The following LPP variants were observed in gnomAD, a reference collection of about 807,000 sequenced individuals.
LPP encodes the protein LIM domain containing preferred translocation partner in lipoma.
A neutral mutation model predicts 60.4 loss-of-function variants in LPP; 38 were observed. That is an observed-to-expected ratio of 0.63 (90% confidence interval 0.49 to 0.83). The LOEUF is 0.83. Ranked by LOEUF, LPP falls within the 40% of genes least tolerant of loss-of-function variation. LPP has a pLI of 0.00. For missense variants in LPP, 902 were observed against 783.6 expected (o/e 1.15, Z -1.80); for synonymous variants, 328 against 290.8 (o/e 1.13, Z -1.30).
intron 7 of LPP, among the ~76,000 whole-genome samples, chr3:188,693,450 G>C (rs1336762439): frequency 1.3e-5 from 2 of 152,136 alleles, no homozygotes; most frequent in Non-Finnish European, 2.9e-5. Flanking sequence ...GTTTAACAGA[G>C]ATGTTTCTCT....
chr3:188,184,446 G>C (rs1055039663), intron 1 of LPP, among the ~76,000 whole-genome samples: 1 of 152,142 alleles, frequency 6.6e-6, no homozygotes, highest in Non-Finnish European at 1.5e-5. Flanking sequence ...GCTGCCTGGG[G>C]AGCTTACACG....
At chr3:188,258,990 C>G (rs1390396725) in intron 2 of LPP, among the ~76,000 whole-genome samples, 1 of 152,056 alleles carries the variant, frequency 6.6e-6, no homozygotes, top group Non-Finnish European at 1.5e-5. Context: ...TTGGGAGCAA[C>G]CAAAAGTCAG....
At chr3:188,322,903 T>C (rs989578870) in intron 2 of LPP, among the ~76,000 whole-genome samples, 1 of 152,200 alleles carries the variant, frequency 6.6e-6, no homozygotes, top group African/African-American at 2.4e-5. Flanking sequence ...ACTAAATGAA[T>C]TGGTTTTCTC....
chr3:188,230,213 G>A (rs1007908035), intron 2 of LPP, among the ~76,000 whole-genome samples: 6 of 152,000 alleles, frequency 3.9e-5, no homozygotes, highest in Non-Finnish European at 8.8e-5. Flanking sequence ...AGCTGCCCGA[G>A]TAGCTGGGAC....
chr3:188,878,006 T>A lies in LPP; in HGVS notation c.*3527T>A. 4.6e-6 allele frequency: 1 copy of A among 216,640 alleles called. No homozygotes were observed. The highest frequency in any genetic ancestry group is 9.3e-6 in the Non-Finnish European group (1 of 107,248). The allele number at this position is 216,640 out of a possible 1,614,324, so 13.4% of individuals were successfully genotyped here. A position where few individuals can be genotyped will look rare whatever the true frequency, so the allele number is the denominator to read the frequency against. On this transcript the variant is annotated 3_prime_UTR_variant, in exon 12 of 12. Coordinates refer to ENST00000617246, the MANE Select transcript of LPP (RefSeq NM_001375462.1). The stretch of plus-strand genomic sequence containing the variant: ...GATGTTTATGGTGAGGTTTAAAGGA[T>A]ATGAAACTCTACATTTAAACAAGTA...
chr3:188,412,946 A>T (rs1785237414), intron 4 of LPP, among the ~76,000 whole-genome samples: 1 of 152,180 alleles, frequency 6.6e-6, no homozygotes, highest in African/African-American at 2.4e-5. Context: ...GAATTGATCC[A>T]GAACCCAGGT....
At chr3:188,431,724 G>A (rs1226599395) in intron 4 of LPP, among the ~76,000 whole-genome samples, 1 of 152,140 alleles carries the variant, frequency 6.6e-6, no homozygotes, top group African/African-American at 2.4e-5. Flanking sequence ...TTCCACAATT[G>A]TAAAACAATG....
At chr3:188,193,926 G>A (rs1728853767) in intron 1 of LPP, among the ~76,000 whole-genome samples, 1 of 152,196 alleles carries the variant, frequency 6.6e-6, no homozygotes, top group African/African-American at 2.4e-5. Flanking sequence ...GTCACATAAA[G>A]GGAACCAGCA....
At chr3:188,773,361 AAT>A (rs10571695) in intron 9 of LPP, among the ~76,000 whole-genome samples, 96,549 of 150,742 alleles carry the variant, frequency 0.64, 31,613 homozygotes, top group South Asian at 0.79. Flanking sequence ...GTCTTCAAAG[AAT>A]ATATATATAT....
intron 2 of LPP, among the ~76,000 whole-genome samples, chr3:188,259,597 G>A (rs765749300): frequency 6.6e-6 from 1 of 152,158 alleles, no homozygotes; most frequent in South Asian, 2.1e-4. Flanking sequence ...TTCTACTACT[G>A]TAAGCTTCTG....
At chr3:188,336,838 T>C (rs1364571516) in intron 2 of LPP, among the ~76,000 whole-genome samples, 3 of 152,122 alleles carry the variant, frequency 2.0e-5, no homozygotes, top group East Asian at 1.9e-4. Context: ...AGCTCAGCTT[T>C]GGGATTTACA....
rs78999762 is a variant in LPP, at chr3:188,604,223, T to C, written c.430-4938T>C. Among the ~76,000 whole-genome samples, 846 of 152,262 alleles carry C rather than the reference T, an allele frequency of 5.6e-3. 4 individuals are homozygous for C. The highest frequency in any genetic ancestry group is 9.7e-3 in the Non-Finnish European group (658 of 67,994). ...TCAATGCCTGTTACATAGTAGACTT[T>C]CAATAAATTTCTATTGAATAAATAA... On this transcript the variant is annotated intron_variant, in intron 6 of 11. Coordinates refer to ENST00000617246, the MANE Select transcript of LPP (RefSeq NM_001375462.1).
intron 9 of LPP, among the ~76,000 whole-genome samples, chr3:188,761,262 T>C (rs1373577824): frequency 6.6e-6 from 1 of 152,224 alleles, no homozygotes; most frequent in Non-Finnish European, 1.5e-5. Flanking sequence ...GGTTCACATT[T>C]ATTGAAGACG....
At chr3:188,374,124 T>G (rs1357622908) in intron 3 of LPP, among the ~76,000 whole-genome samples, 1 of 152,172 alleles carries the variant, frequency 6.6e-6, no homozygotes, top group Non-Finnish European at 1.5e-5. Context: ...TGTAGTATAG[T>G]TTGAAGTCAG....
rs1860450050 is a variant in LPP at position 188,685,259 on chromosome 3, T to A, written c.1114-23008T>A. ...GCCCAGTGAATTAATGAACAAGATA[T>A]CTGACTAGGATCTGAAGACTAGCAG... On this transcript the variant is annotated intron_variant, in intron 7 of 11. Transcript: ENST00000617246. 2.0e-5 allele frequency among the ~76,000 whole-genome samples: 3 copies of A among 152,226 alleles called. No homozygotes were observed. In the South Asian group the frequency reaches 6.2e-4, roughly 32 times the overall value.
chr3:188,847,566 C>A (rs555623524), intron 9 of LPP, among the ~76,000 whole-genome samples: 50 of 152,272 alleles, frequency 3.3e-4, no homozygotes, highest in African/African-American at 1.2e-3. Flanking sequence ...ACTTATAGGT[C>A]AGGAACCTGG....
At chr3:188,368,812 C>T (rs751965481) in intron 3 of LPP, among the ~76,000 whole-genome samples, 20 of 151,552 alleles carry the variant, frequency 1.3e-4, no homozygotes, top group Admixed American at 3.9e-4. Flanking sequence ...TATAGGACCT[C>T]GAATGTCTTC....
chr3:188,610,248 A>G lies in LPP; in HGVS notation c.1113+404A>G, dbSNP rs113094832. Among the ~76,000 whole-genome samples the G allele has an allele frequency of 1.2e-3, 190 of 152,328 alleles. 2 individuals are homozygous for G. The highest frequency in any genetic ancestry group is 4.4e-3 in the African/African-American group (181 of 41,572). Reference sequence around the variant, plus strand: ...CTTGGACATTAAACAGGTCTGTAGTATCTCAAGCCTCAGCAAGGGTAGTGA... The same window carrying G: ...CTTGGACATTAAACAGGTCTGTAGTGTCTCAAGCCTCAGCAAGGGTAGTGA... On this transcript the variant is annotated intron_variant, in intron 7 of 11. Coordinates refer to ENST00000617246, the MANE Select transcript of LPP (RefSeq NM_001375462.1). The surrounding 1 kb of genome is among the most constrained non-coding windows in gnomAD (Gnocchi z 4.4).
intron 9 of LPP, among the ~76,000 whole-genome samples, chr3:188,838,588 G>T (rs190861687): frequency 4.7e-4 from 72 of 152,244 alleles, no homozygotes; most frequent in African/African-American, 1.5e-3. Flanking sequence ...AAAAGTTGAA[G>T]CGTAATTTCT....
Sources: gnomAD v4.1 joint callset for allele counts (sites outside exome capture counted in the v4.1 genomes callset) on GRCh38, gnomAD v4.1.1 for gene constraint, Gnocchi (gnomAD v3.1) non-coding constraint, MANE v1.5 for transcripts, NCBI Gene and HGNC (gene_info 2026-07-23, HGNC 2026-07-21) for gene names.